The following ZBTB20 variants were observed in gnomAD, a reference collection of about 807,000 sequenced individuals.
ZBTB20 encodes zinc finger and BTB domain-containing protein 20.
Under a neutral mutation model 56.9 loss-of-function variants are expected in ZBTB20, and 9 were observed. The observed-to-expected ratio is 0.16, with a 90% confidence interval of 0.10 to 0.28. ZBTB20 has a LOEUF of 0.28. Among genes scored for constraint, ZBTB20 ranks in the 10% least tolerant of loss-of-function variants. The probability of loss-of-function intolerance (pLI) is 1.00; values close to 1 mark genes in which losing one functional copy is unlikely to be tolerated. For missense variants in ZBTB20, 655 were observed against 1,003.0 expected (o/e 0.65, Z 4.69); for synonymous variants, 417 against 420.7 (o/e 0.99, Z 0.11).
chr3:114,813,661 G>C (rs987898139), intron 4 of ZBTB20, among the ~76,000 whole-genome samples: 10 of 152,220 alleles, frequency 6.6e-5, no homozygotes, highest in African/African-American at 2.4e-4. Context: ...TGAGGCAGGA[G>C]GATAGCTTGA....
At chr3:114,801,305 C>CTTTTTTTTT (rs1271102943) in intron 4 of ZBTB20, 131 bp from the exon 5 acceptor site, 36 of 55,300 alleles carry the variant, frequency 6.5e-4, no homozygotes, top group Non-Finnish European at 1.1e-3. Flanking sequence ...TTCTTTTTTT[C>CTTTTTTTTT]TTTTTTTTTT....
chr3:114,865,625 T>G (rs1286814931), intron 4 of ZBTB20, among the ~76,000 whole-genome samples: 1 of 152,184 alleles, frequency 6.6e-6, no homozygotes, highest in Non-Finnish European at 1.5e-5. Flanking sequence ...CAAAAAAGTT[T>G]CTGAAGAAAT....
intron 7 of ZBTB20, among the ~76,000 whole-genome samples, chr3:114,494,195 G>T (rs1420318049): frequency 6.6e-6 from 1 of 152,198 alleles, no homozygotes; most frequent in Non-Finnish European, 1.5e-5. Context: ...AGTTGAACAA[G>T]AAACTAGAGT....
At position 114,351,517 on chromosome 3, in the gene ZBTB20, G is replaced by A. The variant is rs1464506115; in HGVS notation, c.561C>T (p.Asp187=). The change falls in exon 11 of 12, where the codon GAC becomes GAT. Residue 187 remains aspartate (D), a synonymous_variant. Transcript: ENST00000675478. ...ASILQIKTVI[D]ECTRIVSQNV... Reference sequence around the variant, plus strand: ...TCTGTGACACGATGCGCGTGCACTCGTCGATGACTGTTTTGATCTGCAGGA... The same window carrying A: ...TCTGTGACACGATGCGCGTGCACTCATCGATGACTGTTTTGATCTGCAGGA... The A allele has an allele frequency of 1.2e-6, 2 of 1,614,020 alleles. No individual in the cohort carries two copies. Among genetic ancestry groups the A allele is most frequent in the South Asian group, 1.1e-5 (1 of 91,082 alleles).
In ZBTB20 at chr3:114,571,321, C is replaced by T. The variant is rs1429846643; in HGVS notation, c.-294-70930G>A. ...TTCTATAAAAAACAAGAGATATAGC[C>T]AGCCATTCCATAGTTATTGGGGGAA... On this transcript the variant is annotated intron_variant, in intron 6 of 11. Coordinates refer to ENST00000675478, the MANE Select transcript of ZBTB20 (RefSeq NM_001348800.3). Among the ~76,000 whole-genome samples, 5 of 152,146 alleles carry T rather than the reference C, an allele frequency of 3.3e-5. No individual in the cohort carries two copies. In the East Asian group the frequency reaches 9.6e-4, roughly 29 times the overall value.
chr3:115,010,360 T>C (rs1576555101), intron 2 of ZBTB20, among the ~76,000 whole-genome samples: 2 of 151,950 alleles, frequency 1.3e-5, no homozygotes, highest in East Asian at 2.0e-4. Context: ...AACACAGTCA[T>C]AGTGGTGATG....
intron 7 of ZBTB20, among the ~76,000 whole-genome samples, chr3:114,433,930 TAGGCTGTGAGGGGA>T (rs2090319743): frequency 6.6e-6 from 1 of 152,178 alleles, no homozygotes. Context: ...GAGGGTTAGC[TAGGCTGTGAGGGGA>T]GGGATGTGCT....
At chr3:114,369,665 CA>C (rs2082790546) in intron 10 of ZBTB20, among the ~76,000 whole-genome samples, 1 of 152,046 alleles carries the variant, frequency 6.6e-6, no homozygotes, top group Non-Finnish European at 1.5e-5. Context: ...TTTAAGTAAA[CA>C]AATTGAAACC....
chr3:114,902,131 G>A (rs181674245), intron 3 of ZBTB20, among the ~76,000 whole-genome samples: 55 of 150,306 alleles, frequency 3.7e-4, no homozygotes, highest in Admixed American at 2.3e-3. Context: ...CATAGCCAGG[G>A]TCTTTTTTAT....
At chr3:114,904,564 T>C (rs1372729106) in intron 3 of ZBTB20, among the ~76,000 whole-genome samples, 1 of 152,036 alleles carries the variant, frequency 6.6e-6, no homozygotes, top group Non-Finnish European at 1.5e-5. Context: ...ATGGTTATTA[T>C]AAAATGTACA....
intron 3 of ZBTB20, among the ~76,000 whole-genome samples, chr3:114,934,372 T>C (rs1456610650): frequency 2.0e-5 from 3 of 152,214 alleles, no homozygotes; most frequent in Non-Finnish European, 4.4e-5. Context: ...TTTGCTCTTT[T>C]CTGAAATCGC....
intron 6 of ZBTB20, among the ~76,000 whole-genome samples, chr3:114,608,755 A>G (rs2107675297): frequency 6.6e-6 from 1 of 152,300 alleles, no homozygotes; most frequent in Middle Eastern, 3.4e-3. Flanking sequence ...AAATAAAAGC[A>G]TATGCTTAGT....
intron 7 of ZBTB20, among the ~76,000 whole-genome samples, chr3:114,479,244 T>G (rs1327715074): frequency 6.6e-6 from 1 of 152,062 alleles, no homozygotes; most frequent in Non-Finnish European, 1.5e-5. Context: ...TGCTGAAAAA[T>G]TTTTCTAAGG....
chr3:114,999,567 C>T (rs1455192267), intron 2 of ZBTB20, among the ~76,000 whole-genome samples: 2 of 151,448 alleles, frequency 1.3e-5, no homozygotes, highest in Non-Finnish European at 3.0e-5. Flanking sequence ...TATTTATATT[C>T]GATACCAATA....
chr3:114,910,810 A>G (rs1353459713), intron 3 of ZBTB20, among the ~76,000 whole-genome samples: 2 of 152,020 alleles, frequency 1.3e-5, no homozygotes, highest in African/African-American at 4.8e-5. Context: ...CTATTTACTC[A>G]TCTTTCTTAA....
intron 7 of ZBTB20, among the ~76,000 whole-genome samples, chr3:114,496,200 T>C (rs1372734641): frequency 6.6e-6 from 1 of 152,216 alleles, no homozygotes; most frequent in Non-Finnish European, 1.5e-5. Flanking sequence ...TTGAATTTAG[T>C]ACAGTGAATT....
chr3:114,574,184 C>T (rs182076166), intron 6 of ZBTB20, among the ~76,000 whole-genome samples: 4 of 152,092 alleles, frequency 2.6e-5, no homozygotes, highest in Admixed American at 6.5e-5. Context: ...AATAATTTCT[C>T]GAATTTTGTA....
intron 8 of ZBTB20, among the ~76,000 whole-genome samples, chr3:114,384,696 C>T (rs1321995649): frequency 6.6e-6 from 1 of 152,210 alleles, no homozygotes; most frequent in African/African-American, 2.4e-5. Context: ...TTTTAACTCT[C>T]ATTGTGCTGG....
chr3:115,069,601 G>A (rs2082333531), intron 2 of ZBTB20, among the ~76,000 whole-genome samples: 3 of 152,090 alleles, frequency 2.0e-5, no homozygotes, highest in Non-Finnish European at 4.4e-5. Flanking sequence ...AGAAAAAAAG[G>A]TAGGTTGGAG....
Sources: gnomAD v4.1 joint callset for allele counts (sites outside exome capture counted in the v4.1 genomes callset) on GRCh38, gnomAD v4.1.1 for gene constraint, MANE v1.5 for transcripts, NCBI Gene and HGNC (gene_info 2026-07-23, HGNC 2026-07-21) for gene names.